The following TACC1 variants were observed in gnomAD, a reference collection of about 807,000 sequenced individuals.
TACC1 encodes the protein transforming acidic coiled-coil containing protein 1, also known as transforming acidic coiled-coil-containing protein 1.
In TACC1, 48 loss-of-function variants were observed where a neutral mutation model predicts 84.4. The ratio of observed to expected loss-of-function variants is 0.57; its 90% CI spans 0.45 to 0.72. TACC1 has a LOEUF of 0.72. Among genes scored for constraint, TACC1 ranks in the 30% least tolerant of loss-of-function variants. TACC1 has a pLI of 0.00. For synonymous variants in TACC1, 372 were observed against 376.3 expected (o/e 0.99, Z 0.13); for missense variants, 920 against 973.0 (o/e 0.95, Z 0.72).
intron 2 of TACC1, among the ~76,000 whole-genome samples, chr8:38,794,602 T>A (rs2152034539): frequency 6.6e-6 from 1 of 152,300 alleles, no homozygotes; most frequent in Non-Finnish European, 1.5e-5. Flanking sequence ...AAACACAGCA[T>A]GGAAACCTTG....
chr8:38,817,561 CT>C (rs1406563935), intron 2 of TACC1, among the ~76,000 whole-genome samples: 1 of 152,134 alleles, frequency 6.6e-6, no homozygotes, highest in Non-Finnish European at 1.5e-5. Flanking sequence ...CTTACTATCT[CT>C]TTTTTAAAAA....
rs191330665 is a variant in TACC1 at position 38,826,858 on chromosome 8, A to C, written c.1453-310A>C. Among the ~76,000 whole-genome samples the C allele has an allele frequency of 5.3e-5, 8 of 152,338 alleles. 1 individual carries two copies. Among genetic ancestry groups the C allele is most frequent in the Admixed American group, 3.3e-4 (5 of 15,302 alleles). On this transcript the variant is annotated intron_variant, in intron 4 of 12. Coordinates refer to ENST00000317827, the MANE Select transcript of TACC1 (RefSeq NM_006283.3). Reference sequence around the variant, plus strand: ...CAATGGGGGACATAGATTTTCAAAAAAAAATTAGGTATATGAGCAAAAAAA... The same window carrying C: ...CAATGGGGGACATAGATTTTCAAAACAAAATTAGGTATATGAGCAAAAAAA...
chr8:38,761,285 A>G (rs931400153), intron 3 of TACC1, among the ~76,000 whole-genome samples: 12 of 152,194 alleles, frequency 7.9e-5, no homozygotes, highest in Admixed American at 6.5e-5. Context: ...TCATTGGGGA[A>G]TATCATCTGG....
intron 3 of TACC1, among the ~76,000 whole-genome samples, chr8:38,750,241 TA>T (rs1808788494): frequency 6.6e-6 from 1 of 152,156 alleles, no homozygotes; most frequent in Non-Finnish European, 1.5e-5. Flanking sequence ...GGTGCAGCAA[TA>T]GCATTTGTCA....
At chr8:38,769,315 T>G (rs1369428216) in intron 3 of TACC1, among the ~76,000 whole-genome samples, 9 of 119,318 alleles carry the variant, frequency 7.5e-5, no homozygotes, top group Middle Eastern at 6.0e-3. Flanking sequence ...TGGTGGGGGG[T>G]GTGTGTGGTA....
chr8:38,783,092 ATCTATC>A (rs1205443531), upstream of TACC1, among the ~76,000 whole-genome samples: 79 of 113,072 alleles, frequency 7.0e-4, 1 homozygote, highest in African/African-American at 1.7e-3. Context: ...CTATCTATCT[ATCTATC>A]TATCTATCTA....
At chr8:38,788,079 C>G (rs1817718409) in intron 1 of TACC1, 2 of 282,624 alleles carry the variant, frequency 7.1e-6, no homozygotes, top group Admixed American at 1.1e-4. Flanking sequence ...TAACCCAGTG[C>G]AACTTAGGGC....
rs1178589584 is a variant in TACC1, at chr8:38,819,781, A to G, written c.537A>G (p.Ser179=). 2 of 1,613,856 alleles carry G rather than the reference A, an allele frequency of 1.2e-6. No individual in the cohort carries two copies. Among genetic ancestry groups the G allele is most frequent in the Admixed American group, 3.3e-5 (2 of 60,000 alleles). ...CTCATGGCTGTGTAACTGCAGTCTC[A>G]GGCAAGGCTCTGCCTTCCAGCCCGC... The part of the protein sequence containing the change: ...KAAHGCVTAV[S]GKALPSSPPD... Residue 179 remains serine, a synonymous_variant, in exon 3 of 13, where the codon TCA becomes TCG. Transcript: ENST00000317827.
intron 3 of TACC1, among the ~76,000 whole-genome samples, chr8:38,774,778 C>T (rs566173042): frequency 2.6e-5 from 4 of 152,114 alleles, no homozygotes; most frequent in Admixed American, 6.5e-5. Context: ...TTTGGGAGGC[C>T]GAGGCGGGCG....
At chr8:38,751,931 G>GCT (rs1352321875) in intron 3 of TACC1, among the ~76,000 whole-genome samples, 1 of 152,096 alleles carries the variant, frequency 6.6e-6, no homozygotes, top group Middle Eastern at 3.2e-3. Flanking sequence ...CATAAAAAGT[G>GCT]CTCTATAAGT....
intron 2 of TACC1, among the ~76,000 whole-genome samples, chr8:38,818,682 T>A (rs1825976314): frequency 6.6e-6 from 1 of 152,234 alleles, no homozygotes; most frequent in African/African-American, 2.4e-5. Flanking sequence ...CTTTTAGTTT[T>A]TAGGTCTACA....
chr8:38,779,912 CATA>C (rs1815596004), intron 3 of TACC1, among the ~76,000 whole-genome samples: 1 of 152,204 alleles, frequency 6.6e-6, no homozygotes, highest in Admixed American at 6.5e-5. Context: ...GTGTCTAACA[CATA>C]GTAAGCAGTT....
intron 2 of TACC1, among the ~76,000 whole-genome samples, chr8:38,810,555 G>A (rs12682108): frequency 0.29 from 43,778 of 151,964 alleles, 7,095 homozygotes; most frequent in Non-Finnish European, 0.37. Flanking sequence ...AGTGACCTAC[G>A]AGTGCTCCGT....
chr8:38,811,015 G>A (rs1386567597), intron 2 of TACC1, among the ~76,000 whole-genome samples: 1 of 152,136 alleles, frequency 6.6e-6, no homozygotes, highest in African/African-American at 2.4e-5. Context: ...CTACTTGGGA[G>A]GCTGAGGAGG....
intron 2 of TACC1, chr8:38,805,727 A>G (rs1822537697): frequency 6.6e-6 from 1 of 152,222 alleles, no homozygotes; most frequent in Non-Finnish European, 1.5e-5. Context: ...CTGTGGTTCA[A>G]TTTTAGGGCT....
intron 3 of TACC1, among the ~76,000 whole-genome samples, chr8:38,769,195 GGT>G (rs1313539249): frequency 2.0e-5 from 3 of 147,210 alleles, no homozygotes; most frequent in Admixed American, 2.0e-4. Context: ...GGGTGTGTGT[GGT>G]GTGTGTGATT....
intron 1 of TACC1, among the ~76,000 whole-genome samples, chr8:38,738,548 A>C (rs1017087258): frequency 1.4e-4 from 21 of 152,184 alleles, no homozygotes; most frequent in African/African-American, 5.1e-4. Flanking sequence ...TGATTTATTA[A>C]TCTTGTTGCT....
intron 6 of TACC1, among the ~76,000 whole-genome samples, chr8:38,832,179 C>A (rs1829394463): frequency 6.6e-6 from 1 of 152,232 alleles, no homozygotes; most frequent in Admixed American, 6.5e-5. Context: ...TAGCACCCAT[C>A]TGCCTTATCA....
chr8:38,776,323 T>C (rs1345070607), intron 3 of TACC1, among the ~76,000 whole-genome samples: 1 of 152,212 alleles, frequency 6.6e-6, no homozygotes, highest in Non-Finnish European at 1.5e-5. Flanking sequence ...GTCTCAGTCC[T>C]GTTTTTAGGA....
Sources: gnomAD v4.1 joint callset for allele counts (sites outside exome capture counted in the v4.1 genomes callset) on GRCh38, gnomAD v4.1.1 for gene constraint, MANE v1.5 for transcripts, NCBI Gene and HGNC (gene_info 2026-07-23, HGNC 2026-07-21) for gene names.